MDM1: variants seen among roughly 807,000 people sequenced by gnomAD.
MDM1 encodes Mdm1 nuclear protein.
A neutral mutation model predicts 89.1 loss-of-function variants in MDM1; 61 were observed. The observed-to-expected ratio is 0.68, with a 90% CI of 0.56 to 0.85. The LOEUF (loss-of-function observed/expected upper bound fraction) is 0.85. MDM1 is among the 40% of genes least tolerant of loss of function. MDM1 has a pLI of 0.00. For synonymous variants in MDM1, 290 were observed against 294.1 expected, an observed-to-expected ratio of 0.99 and a Z score of 0.14; for missense variants, 820 against 846.5, an observed-to-expected ratio of 0.97 and a Z score of 0.39.
chr12:68,296,854 C>A, intron 14 of MDM1, 69 bp downstream of exon 14: 2 of 1,064,142 alleles, frequency 1.9e-6, no homozygotes, highest in South Asian at 1.9e-5. Flanking sequence ...AAGTGCTAAT[C>A]AAATGTAAAG....
At chr12:68,319,393 G>A (rs1004539440) in intron 7 of MDM1, among the ~76,000 whole-genome samples, 3 of 152,100 alleles carry the variant, frequency 2.0e-5, no homozygotes, top group Admixed American at 2.0e-4. Context: ...ATATGGACTC[G>A]AAAACTAATG....
At chr12:68,299,121 A>G (rs1229112556) in intron 13 of MDM1, among the ~76,000 whole-genome samples, 1 of 152,194 alleles carries the variant, frequency 6.6e-6, no homozygotes, top group Non-Finnish European at 1.5e-5. Flanking sequence ...GGGGAAAAAA[A>G]TTTTAAAAAA....
rs138198479 is a variant in MDM1, at chr12:68,325,721, T to A, written c.499-146A>T. On this transcript the variant is annotated intron_variant, in intron 3 of 14. Transcript: ENST00000682720. ...TGCAAAATTGTTAACTACATGCGCA[T>A]TGTGGTACAGCAAACTTTCTTCAAC... 1.2e-3 allele frequency: 1,594 copies of A among 1,309,690 alleles called. 13 individuals carry two copies. In the African/African-American group the frequency reaches 0.022, roughly 18 times the overall value. The allele number at this position is 1,309,690 out of a possible 1,614,324, so 81.1% of individuals were successfully genotyped here.
At chr12:68,303,930 A>G (rs1872550719) in intron 12 of MDM1, among the ~76,000 whole-genome samples, 1 of 152,144 alleles carries the variant, frequency 6.6e-6, no homozygotes, top group Non-Finnish European at 1.5e-5. Flanking sequence ...GTCAAGAACA[A>G]TTTTACTTTT....
At chr12:68,316,341 T>C in intron 8 of MDM1, 88 bp from the exon 9 acceptor site, 1 of 1,394,800 alleles carries the variant, frequency 7.2e-7, no homozygotes, top group Middle Eastern at 2.4e-4. Flanking sequence ...ATTGCACAAA[T>C]ACAGCCAGGG....
chr12:68,311,152 T>C (rs575790402), intron 12 of MDM1, among the ~76,000 whole-genome samples: 60 of 152,262 alleles, frequency 3.9e-4, no homozygotes, highest in Middle Eastern at 3.4e-3. Context: ...CTTATTCTCA[T>C]GACAAATTCA....
chr12:68,307,122 T>G (rs1265084818), intron 12 of MDM1, among the ~76,000 whole-genome samples: 1 of 152,210 alleles, frequency 6.6e-6, no homozygotes, highest in Admixed American at 6.5e-5. Context: ...TATTCTCATT[T>G]ATAAGTGGGA....
In MDM1 at chr12:68,313,702, C is replaced by G. The variant is rs1270928650; in HGVS notation, c.1581G>C (p.Lys527Asn). The G allele has an allele frequency of 6.2e-7, 1 of 1,614,032 alleles. No homozygotes were observed. Among genetic ancestry groups the G allele is most frequent in the African/African-American group, 1.3e-5 (1 of 74,902 alleles). ...TCTGGATTCCACCAAGTTCTCTCAG[C>G]TTGGGAGTAGGAAGCCGGCCTCCTT... ...SEKGGRLPTP[K>N]LRELGGIQRT... Residue 527 changes from lysine (K) to asparagine (N), a missense_variant, in exon 11 of 15, where the codon AAG becomes AAC. Physicochemically the swap from Lys to Asn is moderately conservative, Grantham distance 94. Transcript: ENST00000682720.
chr12:68,315,382 G>A, intron 9 of MDM1, 117 bp from the exon 10 acceptor site: 1 of 929,528 alleles, frequency 1.1e-6, no homozygotes, highest in Non-Finnish European at 1.6e-6. Flanking sequence ...GTTTTCCATA[G>A]ATATTGCCTT....
chr12:68,308,392 C>G (rs1269138660), intron 12 of MDM1, among the ~76,000 whole-genome samples: 1 of 152,180 alleles, frequency 6.6e-6, no homozygotes, highest in East Asian at 1.9e-4. Context: ...TCCCAAACTG[C>G]TGGAATTACA....
chr12:68,327,143 TA>T, intron 2 of MDM1, 122 bp from the exon 3 acceptor site: 1 of 1,412,514 alleles, frequency 7.1e-7, no homozygotes, highest in Non-Finnish European at 9.2e-7. Context: ...TGTACCTATA[TA>T]TACACACAAT....
intron 13 of MDM1, among the ~76,000 whole-genome samples, chr12:68,297,254 G>C (rs1304936895): frequency 6.6e-6 from 1 of 152,172 alleles, no homozygotes; most frequent in East Asian, 1.9e-4. Flanking sequence ...TCTTTCCAAT[G>C]ATAATATTGA....
chr12:68,321,411 C>T lies in MDM1; in HGVS notation c.941G>A (p.Ser314Asn), dbSNP rs367866436. The change falls in exon 7 of 15, where the codon AGC becomes AAC. Residue 314 changes from serine (S) to asparagine (N), a missense_variant. By Grantham distance (46) the Ser-to-Asn change is conservative. Transcript: ENST00000682720. The part of the protein sequence containing the change: ...VNSEYRAKFL[S>N]PAQYLYKAGA... The stretch of plus-strand genomic sequence containing the variant: ...AGCTTTATATAAATACTGAGCTGGG[C>T]TCAGAAATTTTGCTCTATATTCGGA... 6.2e-7 allele frequency: 1 copy of T among 1,613,734 alleles called. No homozygotes were observed. The highest frequency in any genetic ancestry group is 8.5e-7 in the Non-Finnish European group (1 of 1,179,860).
chr12:68,332,296 G>C lies in MDM1; in HGVS notation c.-51C>G, dbSNP rs1049370054. 5 of 1,547,696 alleles carry C rather than the reference G, an allele frequency of 3.2e-6. No individual in the cohort carries two copies. The African/African-American group carries it at 6.9e-5, about 21-fold the overall frequency. The stretch of plus-strand genomic sequence containing the variant: ...ACTCCGACAGTTAACTGGAGAAAAA[G>C]CTCCGAGGGGGCGGGGCGATAACAG... On this transcript the variant is annotated 5_prime_UTR_variant, in exon 1 of 15. Coordinates refer to ENST00000682720, the MANE Select transcript of MDM1 (RefSeq NM_001354969.2).
At chr12:68,311,938 A>C (rs1387311092) in intron 12 of MDM1, among the ~76,000 whole-genome samples, 1 of 151,996 alleles carries the variant, frequency 6.6e-6, no homozygotes, top group East Asian at 1.9e-4. Flanking sequence ...CAATTGTCCT[A>C]TCTTACTCAC....
Position 68,304,230 on chromosome 12 carries a change from G to A in MDM1, c.1750-1358C>T, listed in dbSNP as rs377250293. Among the ~76,000 whole-genome samples the A allele has an allele frequency of 1.6e-3, 243 of 152,022 alleles. 1 individual carries two copies. The highest frequency in any genetic ancestry group is 5.3e-3 in the African/African-American group (218 of 41,474). On this transcript the variant is annotated intron_variant, in intron 12 of 14. Coordinates refer to ENST00000682720, the MANE Select transcript of MDM1 (RefSeq NM_001354969.2). ...GTTTGACCAGCCTGGTCAACACGGC[G>A]AGACCCCATATCTATTTATTTAAAA...
At position 68,326,934 on chromosome 12, in the gene MDM1, G is replaced by A; in HGVS notation, c.221C>T (p.Ala74Val). 1.2e-6 allele frequency: 2 copies of A among 1,614,008 alleles called. No individual in the cohort carries two copies. Among genetic ancestry groups the A allele is most frequent in the Non-Finnish European group, 1.7e-6 (2 of 1,179,996 alleles). Residue 74 changes from alanine (A) to valine (V), a missense_variant, in exon 3 of 15, where the codon GCT becomes GTT. Coordinates refer to ENST00000682720, the MANE Select transcript of MDM1 (RefSeq NM_001354969.2). ...QISKSLEWNG[A>V]ISESNVVASP... is the part of the protein sequence containing the mutation. Reference sequence around the variant, plus strand: ...TGCAACCACATTGCTCTCTGAGATAGCTCCATTCCACTCCAGAGATTTTGA... The same window carrying A: ...TGCAACCACATTGCTCTCTGAGATAACTCCATTCCACTCCAGAGATTTTGA...
chr12:68,329,682 C>T (rs1876509792), intron 2 of MDM1, among the ~76,000 whole-genome samples: 1 of 152,140 alleles, frequency 6.6e-6, no homozygotes, highest in Admixed American at 6.5e-5. Context: ...GTTCCAAGGC[C>T]TGTGTTAGGT....
intron 12 of MDM1, among the ~76,000 whole-genome samples, chr12:68,311,753 T>A (rs948381639): frequency 1.3e-5 from 2 of 152,246 alleles, no homozygotes; most frequent in Non-Finnish European, 2.9e-5. Context: ...CCTGCATTAC[T>A]CTGCTTCCCT....
Sources: allele counts gnomAD v4.1 joint callset (sites outside exome capture counted in the v4.1 genomes callset), GRCh38; gene constraint gnomAD v4.1.1; transcripts MANE v1.5; gene names NCBI Gene and HGNC (gene_info 2026-07-23, HGNC 2026-07-21).